Variants in ADK observed in about 807,000 individuals in gnomAD.
The protein encoded by ADK is adenosine kinase.
ADK carries 24 observed loss-of-function variants against 44.7 expected under a neutral mutation model. The observed-to-expected ratio is 0.54, with a 90% confidence interval of 0.39 to 0.76. ADK has a LOEUF of 0.76. Ranked by LOEUF, ADK falls within the 30% of genes least tolerant of loss-of-function variation. ADK has a pLI of 0.00. For missense variants in ADK, 321 were observed against 425.1 expected, an observed-to-expected ratio of 0.76 and a Z score of 2.15; for synonymous variants, 128 against 142.6, an observed-to-expected ratio of 0.90 and a Z score of 0.73.
chr10:74,480,816 C>G (rs1438681841), intron 6 of ADK, among the ~76,000 whole-genome samples: 1 of 152,144 alleles, frequency 6.6e-6, no homozygotes, highest in East Asian at 1.9e-4. Flanking sequence ...TTTACACCAG[C>G]AGCACATCTT....
At chr10:74,200,501 A>G (rs922046701) in intron 1 of ADK, among the ~76,000 whole-genome samples, 1 of 151,926 alleles carries the variant, frequency 6.6e-6, no homozygotes, top group Non-Finnish European at 1.5e-5. Context: ...AAAAAAAAAA[A>G]AATAGGTATT....
intron 6 of ADK, among the ~76,000 whole-genome samples, chr10:74,471,111 G>C (rs1161129993): frequency 1.4e-5 from 2 of 143,616 alleles, no homozygotes; most frequent in Non-Finnish European, 3.0e-5. Flanking sequence ...TTCTCACTCT[G>C]TTGCCCAGGC....
At chr10:74,532,475 CAA>C (rs34947578) in intron 7 of ADK, among the ~76,000 whole-genome samples, 8 of 125,056 alleles carry the variant, frequency 6.4e-5, no homozygotes, top group Admixed American at 8.1e-5. Context: ...GAAACTGTGT[CAA>C]AAAAAAAAAA....
intron 1 of ADK, among the ~76,000 whole-genome samples, chr10:74,183,330 G>A (rs752040688): frequency 2.0e-5 from 3 of 152,238 alleles, no homozygotes; most frequent in African/African-American, 4.8e-5. Context: ...TCAGCACTCC[G>A]GGAGGCCGAG....
chr10:74,534,020 A>T (rs1849373937), intron 7 of ADK, among the ~76,000 whole-genome samples: 1 of 152,230 alleles, frequency 6.6e-6, no homozygotes, highest in Non-Finnish European at 1.5e-5. Flanking sequence ...TGAGTGTAAG[A>T]TACTGTAAAG....
At chr10:74,485,306 A>G (rs1353082451) in intron 6 of ADK, among the ~76,000 whole-genome samples, 1 of 151,918 alleles carries the variant, frequency 6.6e-6, no homozygotes, top group Non-Finnish European at 1.5e-5. Flanking sequence ...TTAATTAGGG[A>G]AATGCATTAG....
intron 10 of ADK, among the ~76,000 whole-genome samples, chr10:74,695,424 T>G (rs1173295955): frequency 6.6e-6 from 1 of 152,176 alleles, no homozygotes; most frequent in Non-Finnish European, 1.5e-5. Context: ...ATCGCTTTTG[T>G]ATTTTTACCA....
chr10:74,267,594 A>C (rs536324688), intron 3 of ADK, among the ~76,000 whole-genome samples: 58 of 152,272 alleles, frequency 3.8e-4, no homozygotes, highest in African/African-American at 1.1e-3. Flanking sequence ...ATACTGGCTT[A>C]AGTAAATGGA....
intron 7 of ADK, among the ~76,000 whole-genome samples, chr10:74,583,481 A>C (rs1219157045): frequency 6.6e-6 from 1 of 152,210 alleles, no homozygotes; most frequent in Non-Finnish European, 1.5e-5. Flanking sequence ...CAGGTATACA[A>C]AGCCATTTAG....
At chr10:74,606,530 T>C (rs190953695) in intron 9 of ADK, among the ~76,000 whole-genome samples, 1 of 152,374 alleles carries the variant, frequency 6.6e-6, no homozygotes, top group East Asian at 1.9e-4. Context: ...TCAGTTTCCA[T>C]GCAGTTGTGT....
At chr10:74,567,322 T>C (rs1431005645) in intron 7 of ADK, among the ~76,000 whole-genome samples, 1 of 152,214 alleles carries the variant, frequency 6.6e-6, no homozygotes, top group Non-Finnish European at 1.5e-5. Context: ...CCTTTAACAT[T>C]GAGTCTGCAT....
At chr10:74,179,453 C>T (rs1480257620) in intron 1 of ADK, among the ~76,000 whole-genome samples, 2 of 152,116 alleles carry the variant, frequency 1.3e-5, no homozygotes, top group African/African-American at 4.8e-5. Context: ...GACCCTACAA[C>T]AGGATGCAGT....
chr10:74,180,427 C>T (rs1009746744), intron 1 of ADK, among the ~76,000 whole-genome samples: 3 of 135,002 alleles, frequency 2.2e-5, no homozygotes, highest in East Asian at 2.1e-4. Context: ...TTGGTAGAGA[C>T]GGAGTTTCAT....
intron 9 of ADK, among the ~76,000 whole-genome samples, chr10:74,638,826 A>G (rs1853718693): frequency 1.3e-5 from 2 of 151,872 alleles, no homozygotes; most frequent in Non-Finnish European, 2.9e-5. Context: ...TTTTTTTGAG[A>G]CAGGGTCTCT....
intron 6 of ADK, among the ~76,000 whole-genome samples, chr10:74,430,695 G>A (rs1844953668): frequency 6.6e-6 from 1 of 151,986 alleles, no homozygotes; most frequent in Non-Finnish European, 1.5e-5. Flanking sequence ...TCAATATATA[G>A]TAGGGAATAA....
At chr10:74,479,250 C>T (rs2133341040) in intron 6 of ADK, among the ~76,000 whole-genome samples, 1 of 152,238 alleles carries the variant, frequency 6.6e-6, no homozygotes, top group South Asian at 2.1e-4. Context: ...TCACCTCGGC[C>T]TCCAAAAGTG....
At chr10:74,708,180 A>G in intron 10 of ADK, 141 bp from the exon 11 acceptor site, 1 of 887,746 alleles carries the variant, frequency 1.1e-6, no homozygotes, top group Admixed American at 1.9e-5. Flanking sequence ...AGACCTCCCT[A>G]ACGGTAACGC....
At chr10:74,408,122 G>A (rs1018402805) in intron 6 of ADK, among the ~76,000 whole-genome samples, 3 of 151,350 alleles carry the variant, frequency 2.0e-5, no homozygotes, top group Non-Finnish European at 2.9e-5. Flanking sequence ...TGGGATTATA[G>A]GCACCTACCA....
intron 7 of ADK, among the ~76,000 whole-genome samples, chr10:74,535,043 A>G (rs1849405519): frequency 6.6e-6 from 1 of 152,210 alleles, no homozygotes; most frequent in Non-Finnish European, 1.5e-5. Flanking sequence ...AGTTATTTTT[A>G]ATGTTGCTAT....
Sources: gnomAD v4.1 joint callset for allele counts (sites outside exome capture counted in the v4.1 genomes callset) on GRCh38, gnomAD v4.1.1 for gene constraint, MANE v1.5 for transcripts, NCBI Gene and HGNC (gene_info 2026-07-23, HGNC 2026-07-21) for gene names.